POLR1G: variants seen among roughly 807,000 people sequenced by gnomAD.
POLR1G encodes DNA-directed RNA polymerase I subunit RPA34.
POLR1G carries 9 observed loss-of-function variants against 6.3 expected under a neutral mutation model. The ratio of observed to expected loss-of-function variants is 1.44; its 90% CI spans 0.87 to 2.51. The LOEUF (loss-of-function observed/expected upper bound fraction) is 2.51, where lower values mean the gene tolerates loss of function less well. Among genes scored for constraint, POLR1G ranks in the 30% most tolerant of loss-of-function variants. POLR1G has a pLI of 0.00. For synonymous variants in POLR1G, 248 were observed against 256.5 expected (o/e 0.97, Z 0.32); for missense variants, 617 against 632.5 (o/e 0.98, Z 0.26).
chr19:45,407,015 C>T, intron 1 of POLR1G, 79 bp from the exon 2 acceptor site: 2 of 1,526,590 alleles, frequency 1.3e-6, no homozygotes, highest in Non-Finnish European at 1.8e-6. Context: ...AGGTTAAGAC[C>T]AATGGACCGA....
At position 45,409,128 on chromosome 19, in the gene POLR1G, C is replaced by T. The variant is rs763442500; in HGVS notation, c.1160C>T (p.Thr387Met). ...QAALAAPKKK[T>M]KKEKQQDATV... ...GCTCTGGCAGCTCCCAAAAAGAAGA[C>T]GAAGAAAGAAAAACAGCAAGATGCC... is the stretch of plus-strand genomic sequence containing the variant. Residue 387 changes from threonine (T) to methionine (M), a missense_variant, in exon 3 of 3, where the codon ACG becomes ATG. Thr to Met is a moderately conservative substitution (Grantham distance 81, BLOSUM62 -1). Transcript: ENST00000309424. The T allele has an allele frequency of 1.2e-5, 20 of 1,612,796 alleles. No individual in the cohort carries two copies. The highest frequency in any genetic ancestry group is 3.3e-5 in the South Asian group (3 of 90,984).
Sources: allele counts gnomAD v4.1 joint callset, GRCh38; gene constraint gnomAD v4.1.1; transcripts MANE v1.5; gene names NCBI Gene and HGNC (gene_info 2026-07-23, HGNC 2026-07-21).